Variants in NAALADL2 observed in about 807,000 individuals in gnomAD.
The protein encoded by NAALADL2 is N-acetylated alpha-linked acidic dipeptidase like 2, also known as inactive N-acetylated-alpha-linked acidic dipeptidase-like protein 2.
NAALADL2 carries 76 observed loss-of-function variants against 87.2 expected under a neutral mutation model. The ratio of observed to expected loss-of-function variants is 0.87; its 90% CI spans 0.72 to 1.05. NAALADL2 has a LOEUF of 1.05. NAALADL2 is among the 50% of genes least tolerant of loss of function. The pLI is 0.00. For missense variants in NAALADL2, 1,089 were observed against 945.8 expected, an observed-to-expected ratio of 1.15 and a Z score of -1.99; for synonymous variants, 354 against 331.0, an observed-to-expected ratio of 1.07 and a Z score of -0.75.
chr3:174,517,804 T>C (rs1720024696), intron 1 of NAALADL2, among the ~76,000 whole-genome samples: 1 of 152,134 alleles, frequency 6.6e-6, no homozygotes, highest in Non-Finnish European at 1.5e-5. Flanking sequence ...AAATCTCTAG[T>C]ATATTGTGTT....
chr3:175,700,103 C>T lies in NAALADL2; in HGVS notation c.1897-37203C>T, dbSNP rs115417190. ...GCAATCAACTGTGTACTACAGTGCT[C>T]TTTTGAGAGCAGACGTTAAAGTATC... On this transcript the variant is annotated intron_variant, in intron 11 of 13. Coordinates refer to ENST00000454872, the MANE Select transcript of NAALADL2 (RefSeq NM_207015.3). Among the ~76,000 whole-genome samples, 644 of 152,222 alleles carry T rather than the reference C, an allele frequency of 4.2e-3. 6 individuals carry two copies. Among genetic ancestry groups the T allele is most frequent in the African/African-American group, 0.015 (618 of 41,564 alleles).
At chr3:174,691,783 G>A (rs1728606120) in intron 2 of NAALADL2, among the ~76,000 whole-genome samples, 1 of 152,150 alleles carries the variant, frequency 6.6e-6, no homozygotes, top group Non-Finnish European at 1.5e-5. Flanking sequence ...ATCTTCTCTT[G>A]TTATTTCAAC....
chr3:175,045,241 A>T (rs1026467660), intron 1 of NAALADL2, among the ~76,000 whole-genome samples: 9 of 151,822 alleles, frequency 5.9e-5, no homozygotes, highest in African/African-American at 2.2e-4. Context: ...ACTGCATCAC[A>T]CTCTCCGTGG....
At chr3:174,935,565 T>C (rs952183447) in intron 1 of NAALADL2, among the ~76,000 whole-genome samples, 1 of 152,180 alleles carries the variant, frequency 6.6e-6, no homozygotes, top group African/African-American at 2.4e-5. Context: ...GGAAATAATT[T>C]AACTTTTGTG....
intron 1 of NAALADL2, among the ~76,000 whole-genome samples, chr3:174,922,448 C>T (rs1016341768): frequency 6.6e-5 from 10 of 151,910 alleles, no homozygotes; most frequent in Admixed American, 6.6e-4. Flanking sequence ...ATATTAACAA[C>T]ATAAATAGCC....
intron 9 of NAALADL2, among the ~76,000 whole-genome samples, chr3:175,522,247 AT>A (rs1732753271): frequency 6.6e-6 from 1 of 152,154 alleles, no homozygotes; most frequent in African/African-American, 2.4e-5. Context: ...CTTCACTATA[AT>A]GTAATTTCAT....
chr3:174,778,934 A>G (rs1194046881), intron 3 of NAALADL2, among the ~76,000 whole-genome samples: 2 of 152,172 alleles, frequency 1.3e-5, no homozygotes, highest in African/African-American at 4.8e-5. Context: ...TGCCACAGTA[A>G]ACATATGTGT....
chr3:175,182,598 A>G (rs551493386), intron 2 of NAALADL2, among the ~76,000 whole-genome samples: 1 of 45,674 alleles, frequency 2.2e-5, no homozygotes, highest in African/African-American at 6.3e-5. Flanking sequence ...TGGTCTTGCT[A>G]TGTTGCCCTG....
chr3:175,463,375 A>T, intron 6 of NAALADL2, 26 bp from the exon 7 acceptor site: 1 of 1,390,086 alleles, frequency 7.2e-7, no homozygotes, highest in Non-Finnish European at 9.8e-7. Context: ...AAAGAAGCAA[A>T]AGTCTTTAAA....
intron 9 of NAALADL2, among the ~76,000 whole-genome samples, chr3:175,541,868 G>A (rs558561027): frequency 6.6e-6 from 1 of 152,252 alleles, no homozygotes; most frequent in South Asian, 2.1e-4. Context: ...TTACAGGTGT[G>A]TGACACCACG....
At chr3:174,551,049 GTAGTTACA>G (rs552522059) in intron 2 of NAALADL2, 2 of 151,794 alleles carry the variant, frequency 1.3e-5, no homozygotes, top group East Asian at 3.9e-4. Flanking sequence ...AATGTGCAGG[GTAGTTACA>G]TATGTATACA....
At chr3:175,195,564 A>C (rs1738863662) in intron 2 of NAALADL2, among the ~76,000 whole-genome samples, 2 of 151,878 alleles carry the variant, frequency 1.3e-5, no homozygotes, top group Admixed American at 1.3e-4. Flanking sequence ...ATACCCTGAG[A>C]TGGGAACATA....
In NAALADL2 at chr3:175,627,484, T is replaced by A. The variant is rs542252977; in HGVS notation, c.1896+98T>A. 4 of 732,040 alleles carry A rather than the reference T, an allele frequency of 5.5e-6. No homozygotes were observed. The South Asian group carries it at 7.5e-5, about 14-fold the overall frequency. 45.3% of individuals were successfully genotyped at this position (732,040 alleles called of 1,614,324 possible). On this transcript the variant is annotated intron_variant, in intron 11 of 13. Transcript: ENST00000454872. The stretch of plus-strand genomic sequence containing the variant: ...CATAACCAATCAAGAGCAATCCGTA[T>A]ATTTTCATTTGTAGAATATATAAGA...
intron 1 of NAALADL2, among the ~76,000 whole-genome samples, chr3:174,875,540 T>G (rs1353813650): frequency 6.6e-6 from 1 of 152,166 alleles, no homozygotes; most frequent in African/African-American, 2.4e-5. Context: ...TCAACAGCAT[T>G]AAAATGATTT....
At chr3:175,733,698 G>A (rs775718311) in intron 11 of NAALADL2, among the ~76,000 whole-genome samples, 6 of 152,178 alleles carry the variant, frequency 3.9e-5, no homozygotes, top group Admixed American at 6.5e-5. Flanking sequence ...TCTGAGACAA[G>A]GCAAGTCCTT....
intron 5 of NAALADL2, among the ~76,000 whole-genome samples, chr3:175,394,925 C>T (rs1769571723): frequency 6.6e-6 from 1 of 152,118 alleles, no homozygotes; most frequent in African/African-American, 2.4e-5. Flanking sequence ...GCAATCTCAG[C>T]ATGTGATTTT....
intron 1 of NAALADL2, among the ~76,000 whole-genome samples, chr3:175,009,099 G>A (rs545113544): frequency 3.3e-5 from 5 of 152,052 alleles, no homozygotes; most frequent in African/African-American, 9.7e-5. Flanking sequence ...TCAGAACCAC[G>A]TGGAGAGCTT....
At chr3:175,086,752 T>C (rs1719021427) in intron 1 of NAALADL2, among the ~76,000 whole-genome samples, 1 of 152,122 alleles carries the variant, frequency 6.6e-6, no homozygotes, top group South Asian at 2.1e-4. Flanking sequence ...AGTAAATTGT[T>C]TAGTTGCTTG....
At chr3:175,220,634 A>T (rs1743210686) in intron 2 of NAALADL2, among the ~76,000 whole-genome samples, 1 of 152,040 alleles carries the variant, frequency 6.6e-6, no homozygotes, top group Non-Finnish European at 1.5e-5. Flanking sequence ...CTGATCAAAT[A>T]TATAGCCAGT....
Sources: allele counts gnomAD v4.1 joint callset (sites outside exome capture counted in the v4.1 genomes callset), GRCh38; gene constraint gnomAD v4.1.1; transcripts MANE v1.5; gene names NCBI Gene and HGNC (gene_info 2026-07-23, HGNC 2026-07-21).